LINGO2: variants seen among roughly 807,000 people sequenced by gnomAD.
LINGO2 encodes the protein leucine-rich repeat and immunoglobulin-like domain-containing nogo receptor-interacting protein 2.
Under a neutral mutation model 30.6 loss-of-function variants are expected in LINGO2, and 14 were observed. The observed-to-expected ratio is 0.46, with a 90% CI of 0.30 to 0.72. LINGO2 has a LOEUF of 0.72. Ranked by LOEUF, LINGO2 falls within the 30% of genes least tolerant of loss-of-function variation. The pLI is 0.07. For missense variants in LINGO2, 729 were observed against 751.7 expected, an observed-to-expected ratio of 0.97 and a Z score of 0.35; for synonymous variants, 317 against 288.5, an observed-to-expected ratio of 1.10 and a Z score of -1.00.
At chr9:28,604,912 C>G (rs904463928) in intron 1 of LINGO2, among the ~76,000 whole-genome samples, 2 of 151,968 alleles carry the variant, frequency 1.3e-5, no homozygotes, top group Non-Finnish European at 2.9e-5. Flanking sequence ...GCTAAGTACT[C>G]TTGCAAACAT....
At chr9:28,617,046 C>G (rs971885599) in intron 1 of LINGO2, among the ~76,000 whole-genome samples, 4 of 151,988 alleles carry the variant, frequency 2.6e-5, no homozygotes, top group African/African-American at 9.7e-5. Context: ...TATAAACCTC[C>G]TATTTTCTGT....
At chr9:28,414,794 T>C (rs1822904712) in intron 2 of LINGO2, among the ~76,000 whole-genome samples, 1 of 152,074 alleles carries the variant, frequency 6.6e-6, no homozygotes, top group African/African-American at 2.4e-5. Context: ...GGATATTTGT[T>C]TTACAGAAAG....
chr9:29,046,054 C>G, the LINGO2 span, among the ~76,000 whole-genome samples: 1 of 152,080 alleles, frequency 6.6e-6, no homozygotes, highest in Non-Finnish European at 1.5e-5. Context: ...ATAGGGTATT[C>G]TAGATAGAGA....
At chr9:28,420,020 C>A (rs2134871861) in intron 2 of LINGO2, among the ~76,000 whole-genome samples, 1 of 152,044 alleles carries the variant, frequency 6.6e-6, no homozygotes, top group East Asian at 1.9e-4. Flanking sequence ...TTTGGCAGTG[C>A]TATAGTATAT....
the LINGO2 span, among the ~76,000 whole-genome samples, chr9:28,995,286 C>T: frequency 6.6e-6 from 1 of 152,126 alleles, no homozygotes; most frequent in African/African-American, 2.4e-5. Flanking sequence ...CCATCACTGG[C>T]CATCAGAGAA....
the LINGO2 span, among the ~76,000 whole-genome samples, chr9:29,189,590 G>T: frequency 1.3e-4 from 19 of 151,748 alleles, no homozygotes; most frequent in Non-Finnish European, 1.6e-4. Flanking sequence ...AGGCAGAGAC[G>T]CTCCTCACTT....
intron 2 of LINGO2, among the ~76,000 whole-genome samples, chr9:28,402,429 C>T (rs1468597944): frequency 6.6e-6 from 1 of 151,884 alleles, no homozygotes; most frequent in Non-Finnish European, 1.5e-5. Context: ...AATAAGAAAT[C>T]ATCATCAAGG....
chr9:28,554,203 C>T (rs1822499530), intron 1 of LINGO2, among the ~76,000 whole-genome samples: 1 of 151,498 alleles, frequency 6.6e-6, no homozygotes, highest in South Asian at 2.1e-4. Context: ...CACAGACTGG[C>T]AAATTGGATC....
At chr9:29,213,295 C>T in the LINGO2 span, among the ~76,000 whole-genome samples, 2 of 152,204 alleles carry the variant, frequency 1.3e-5, no homozygotes, top group African/African-American at 2.4e-5. Context: ...ATGCCCCTCC[C>T]CCCTTTCTCC....
At chr9:29,164,119 A>AAG in the LINGO2 span, among the ~76,000 whole-genome samples, 14 of 151,074 alleles carry the variant, frequency 9.3e-5, no homozygotes, top group Non-Finnish European at 1.6e-4. Flanking sequence ...AAAAAAAAAA[A>AAG]GGGGGCCTCT....
intron 1 of LINGO2, among the ~76,000 whole-genome samples, chr9:28,524,403 T>C (rs1820936823): frequency 6.6e-6 from 1 of 152,182 alleles, no homozygotes; most frequent in African/African-American, 2.4e-5. Flanking sequence ...TAAAAGAGAT[T>C]AGACTTCATC....
At chr9:28,710,487 A>C in the LINGO2 span, among the ~76,000 whole-genome samples, 4 of 152,116 alleles carry the variant, frequency 2.6e-5, no homozygotes. Context: ...TTAGCTAGAG[A>C]TATTTACGTG....
intron 4 of LINGO2, among the ~76,000 whole-genome samples, chr9:28,230,169 A>G (rs1334986960): frequency 6.6e-6 from 1 of 151,888 alleles, no homozygotes; most frequent in East Asian, 1.9e-4. Flanking sequence ...AATTGTATTC[A>G]ACAAATTCAA....
intron 4 of LINGO2, among the ~76,000 whole-genome samples, chr9:28,257,621 C>A (rs1822425831): frequency 6.6e-6 from 1 of 151,866 alleles, no homozygotes; most frequent in Admixed American, 6.6e-5. Flanking sequence ...TTTGTACTTA[C>A]AGCTATACTT....
At chr9:28,842,508 G>A in the LINGO2 span, among the ~76,000 whole-genome samples, 8 of 151,932 alleles carry the variant, frequency 5.3e-5, 1 homozygote, top group South Asian at 4.1e-4. Context: ...ACAGAAATGA[G>A]ATCTTAAAGT....
chr9:28,654,411 A>C (rs901583439), intron 1 of LINGO2, among the ~76,000 whole-genome samples: 20 of 152,090 alleles, frequency 1.3e-4, no homozygotes, highest in Admixed American at 1.0e-3. Context: ...CCTGGTGGGA[A>C]AAAATAAGTT....
intron 4 of LINGO2, among the ~76,000 whole-genome samples, chr9:28,286,784 A>C (rs1006322929): frequency 2.2e-4 from 34 of 152,206 alleles, no homozygotes; most frequent in African/African-American, 7.2e-4. Context: ...ACATAGAGGG[A>C]AACAACACAT....
At chr9:29,012,946 C>T in the LINGO2 span, among the ~76,000 whole-genome samples, 1 of 152,138 alleles carries the variant, frequency 6.6e-6, no homozygotes, top group Non-Finnish European at 1.5e-5. Context: ...TAGATAAAAT[C>T]TCCACAGTTC....
intron 1 of LINGO2, among the ~76,000 whole-genome samples, chr9:28,586,250 T>A (rs1521737): frequency 0.95 from 143,743 of 152,050 alleles, 68,479 homozygotes; most frequent in East Asian, 1. Flanking sequence ...AAGTCTCATT[T>A]AAAAAGAGCA....
Sources: gnomAD v4.1 joint callset for allele counts (sites outside exome capture counted in the v4.1 genomes callset) on GRCh38, gnomAD v4.1.1 for gene constraint, MANE v1.5 for transcripts, NCBI Gene and HGNC (gene_info 2026-07-23, HGNC 2026-07-21) for gene names.